The following STARD13 variants were observed in gnomAD, a reference collection of about 807,000 sequenced individuals.
The protein encoded by STARD13 is stAR-related lipid transfer protein 13.
STARD13 carries 62 observed loss-of-function variants against 106.4 expected under a neutral mutation model. The ratio of observed to expected loss-of-function variants is 0.58; its 90% confidence interval spans 0.48 to 0.72. The LOEUF is 0.72. STARD13 is among the 30% of genes least tolerant of loss of function. The probability of loss-of-function intolerance (pLI) is 0.00; values close to 1 mark genes in which losing one functional copy is unlikely to be tolerated. For synonymous variants in STARD13, 565 were observed against 553.0 expected (o/e 1.02, Z -0.31); for missense variants, 1,387 against 1,424.0 (o/e 0.97, Z 0.42).
chr13:33,414,047 A>AAAG, the STARD13 span, among the ~76,000 whole-genome samples: 6 of 143,678 alleles, frequency 4.2e-5, no homozygotes, highest in African/African-American at 1.7e-4. Context: ...AAAAAAAAAA[A>AAAG]AAAGAAAAGA....
At chr13:33,131,480 T>G (rs1878285024) in intron 4 of STARD13, among the ~76,000 whole-genome samples, 1 of 151,632 alleles carries the variant, frequency 6.6e-6, no homozygotes, top group Admixed American at 6.6e-5. Flanking sequence ...AAGCCTCCAC[T>G]CTCAGTTGTT....
In STARD13 at chr13:33,118,218, G is replaced by A; in HGVS notation, c.2128C>T (p.Leu710Phe). Residue 710 changes from leucine (L) to phenylalanine (F), a missense_variant, in exon 8 of 14, where the codon CTT becomes TTT. By Grantham distance (22) the Leu-to-Phe change is conservative. Coordinates refer to ENST00000336934, the MANE Select transcript of STARD13 (RefSeq NM_178006.4). ...GGGAAGTTTTCATTCATTTGGCGAA[G>A]GGCATGGATTCGAGACTTCACTCCT... ...KSGVKSRIHA[L>F]RQMNENFPEN... 6.2e-7 allele frequency: 1 copy of A among 1,614,176 alleles called. No individual in the cohort carries two copies. Among genetic ancestry groups the A allele is most frequent in the Non-Finnish European group, 8.5e-7 (1 of 1,180,038 alleles).
the STARD13 span, among the ~76,000 whole-genome samples, chr13:33,550,011 T>A: frequency 6.6e-6 from 1 of 152,186 alleles, no homozygotes; most frequent in Non-Finnish European, 1.5e-5. Flanking sequence ...AAACTTTTTA[T>A]ATTTATTCTT....
At chr13:33,387,841 C>T in the STARD13 span, among the ~76,000 whole-genome samples, 1 of 152,210 alleles carries the variant, frequency 6.6e-6, no homozygotes, top group Non-Finnish European at 1.5e-5. Context: ...CCTTCATGGA[C>T]AAGGAGTGAA....
At chr13:33,600,939 A>T in the STARD13 span, among the ~76,000 whole-genome samples, 2 of 152,190 alleles carry the variant, frequency 1.3e-5, no homozygotes, top group African/African-American at 2.4e-5. Context: ...TGAAAGGGAA[A>T]AGTGCTCACA....
the STARD13 span, among the ~76,000 whole-genome samples, chr13:33,664,749 C>T: frequency 3.9e-5 from 6 of 152,216 alleles, no homozygotes; most frequent in African/African-American, 4.8e-5. Context: ...GCCTCAGCCT[C>T]CGGAGTAGCG....
At chr13:33,522,618 A>G in the STARD13 span, among the ~76,000 whole-genome samples, 1 of 152,264 alleles carries the variant, frequency 6.6e-6, no homozygotes, top group East Asian at 1.9e-4. Flanking sequence ...ATGTATTAAC[A>G]GTTGAAGTCA....
intron 2 of STARD13, among the ~76,000 whole-genome samples, chr13:33,166,383 C>T (rs1269213744): frequency 6.6e-6 from 1 of 152,040 alleles, no homozygotes; most frequent in African/African-American, 2.4e-5. Flanking sequence ...TTTGAGGCTC[C>T]TCTCTCCTCC....
chr13:33,291,864 A>AT (rs1204713834), intron 1 of STARD13, among the ~76,000 whole-genome samples: 1 of 152,186 alleles, frequency 6.6e-6, no homozygotes, highest in Non-Finnish European at 1.5e-5. Flanking sequence ...TGTTATTTTC[A>AT]TAAAATCTGC....
chr13:33,126,469 A>T (rs1877190085), intron 6 of STARD13, among the ~76,000 whole-genome samples: 2 of 152,216 alleles, frequency 1.3e-5, no homozygotes, highest in Admixed American at 1.3e-4. Context: ...CCCAGAATGT[A>T]TTTGTAGCTC....
chr13:33,665,646 C>G, the STARD13 span, among the ~76,000 whole-genome samples: 3 of 152,192 alleles, frequency 2.0e-5, no homozygotes, highest in African/African-American at 4.8e-5. Flanking sequence ...AATTTTTTCT[C>G]TTATAGGAGA....
In STARD13 at chr13:33,128,993, C is replaced by T. The variant is rs2138161521; in HGVS notation, c.1684G>A (p.Glu562Lys). 1 of 1,614,082 alleles carries T rather than the reference C, an allele frequency of 6.2e-7. No homozygotes were observed. Among genetic ancestry groups the T allele is most frequent in the Non-Finnish European group, 8.5e-7 (1 of 1,180,036 alleles). ...ERDVTSLNES[E>K]PPGVRDRRDS... ...CTCCTGTCTCTGACCCCAGGAGGCT[C>T]AGATTCATTAAGAGATGTTACATCT... The change falls in exon 5 of 14, where the codon GAG (glutamate) becomes AAG (lysine). Residue 562 changes from glutamate (E) to lysine (K), a missense_variant. By Grantham distance (56) the Glu-to-Lys change is moderately conservative. Coordinates refer to ENST00000336934, the MANE Select transcript of STARD13 (RefSeq NM_178006.4).
chr13:33,663,057 T>A, the STARD13 span, among the ~76,000 whole-genome samples: 4 of 152,294 alleles, frequency 2.6e-5, no homozygotes, highest in South Asian at 8.3e-4. Flanking sequence ...TTCTAGAAAA[T>A]AATTTTCTAA....
At chr13:33,382,767 A>C in the STARD13 span, among the ~76,000 whole-genome samples, 1 of 152,236 alleles carries the variant, frequency 6.6e-6, no homozygotes. Context: ...ACATGATTAC[A>C]TTGGTAACAC....
intron 1 of STARD13, among the ~76,000 whole-genome samples, chr13:33,194,237 T>A (rs181345699): frequency 5.9e-5 from 9 of 152,328 alleles, no homozygotes; most frequent in Admixed American, 1.3e-4. Flanking sequence ...CATATTTTTA[T>A]TTGATGATAT....
rs1886148299 is a variant in STARD13 at position 33,190,295 on chromosome 13, G to A, written c.170-22673C>T. Among the ~76,000 whole-genome samples the A allele has an allele frequency of 2.0e-5, 3 of 152,232 alleles. No individual in the cohort carries two copies. In the Middle Eastern group the frequency reaches 0.01, roughly 518 times the overall value. On this transcript the variant is annotated intron_variant, in intron 1 of 13. Coordinates refer to ENST00000336934, the MANE Select transcript of STARD13 (RefSeq NM_178006.4). Reference sequence around the variant, plus strand: ...AAAAAAATGAAAAGAATTTAGCCCGGATGTGGCTTCAGTTACTTGGGAGGC... The same window carrying A: ...AAAAAAATGAAAAGAATTTAGCCCGAATGTGGCTTCAGTTACTTGGGAGGC...
chr13:33,480,488 C>T, the STARD13 span, among the ~76,000 whole-genome samples: 9 of 152,028 alleles, frequency 5.9e-5, no homozygotes, highest in African/African-American at 2.2e-4. Flanking sequence ...CATTCTGAAA[C>T]CCGTGTGCAT....
chr13:33,538,635 ATT>A, the STARD13 span, among the ~76,000 whole-genome samples: 554 of 146,934 alleles, frequency 3.8e-3, 1 homozygote, highest in African/African-American at 8.6e-3. Context: ...AGAGCCCAGT[ATT>A]TTTTTTTTTT....
the STARD13 span, among the ~76,000 whole-genome samples, chr13:33,362,630 G>A: frequency 6.6e-5 from 10 of 151,716 alleles, no homozygotes; most frequent in South Asian, 4.1e-4. Context: ...CAACAACAAC[G>A]TCAACCACCA....
Sources: allele counts gnomAD v4.1 joint callset (sites outside exome capture counted in the v4.1 genomes callset), GRCh38; gene constraint gnomAD v4.1.1; transcripts MANE v1.5; gene names NCBI Gene and HGNC (gene_info 2026-07-23, HGNC 2026-07-21).